FER1L5: variants seen among roughly 807,000 people sequenced by gnomAD.
The protein encoded by FER1L5 is fer-1 like family member 5.
Under a neutral mutation model 279.9 loss-of-function variants are expected in FER1L5, and 187 were observed. The observed-to-expected ratio is 0.67, with a 90% CI of 0.59 to 0.75. The LOEUF is 0.75. Ranked by LOEUF, FER1L5 falls within the 30% of genes least tolerant of loss-of-function variation. The probability of loss-of-function intolerance (pLI) is 0.00; values close to 1 mark genes in which losing one functional copy is unlikely to be tolerated. For synonymous variants in FER1L5, 921 were observed against 989.7 expected (o/e 0.93, Z 1.30); for missense variants, 2,091 against 2,594.4 (o/e 0.81, Z 4.21).
At chr2:96,649,019 C>G (rs1005754482) in intron 4 of FER1L5, among the ~76,000 whole-genome samples, 1 of 138,952 alleles carries the variant, frequency 7.2e-6, no homozygotes. Context: ...GGAGGGTGTA[C>G]TGCACTTTTG....
At chr2:96,645,779 C>G (rs1336332949) in intron 1 of FER1L5, among the ~76,000 whole-genome samples, 1 of 148,644 alleles carries the variant, frequency 6.7e-6, no homozygotes, top group Non-Finnish European at 1.5e-5. Flanking sequence ...TTGTGTCACA[C>G]ACACTCACAC....
intron 17 of FER1L5, among the ~76,000 whole-genome samples, chr2:96,669,893 C>T (rs888620428): frequency 6.6e-6 from 1 of 152,086 alleles, no homozygotes; most frequent in Non-Finnish European, 1.5e-5. Flanking sequence ...GGTGGGAGCA[C>T]GGTATTCCAT....
intron 1 of FER1L5, among the ~76,000 whole-genome samples, chr2:96,643,827 T>TAC (rs2074993124): frequency 6.6e-6 from 1 of 150,876 alleles, no homozygotes; most frequent in Non-Finnish European, 1.5e-5. Flanking sequence ...AGATGTTAGG[T>TAC]ATATTTAGAT....
chr2:96,704,410 T>C (rs1157410403), intron 52 of FER1L5, 48 bp downstream of exon 52: 1 of 1,612,998 alleles, frequency 6.2e-7, no homozygotes, highest in African/African-American at 1.3e-5. Context: ...TCGGGATGAC[T>C]CTGGGGACAG....
At chr2:96,669,578 G>A (rs1205027625) in intron 17 of FER1L5, among the ~76,000 whole-genome samples, 1 of 152,138 alleles carries the variant, frequency 6.6e-6, no homozygotes, top group Non-Finnish European at 1.5e-5. Context: ...AGAGGCCCTG[G>A]GAAGGAACGA....
intron 9 of FER1L5, among the ~76,000 whole-genome samples, chr2:96,659,088 C>T (rs2075716328): frequency 6.6e-6 from 1 of 151,890 alleles, no homozygotes; most frequent in Non-Finnish European, 1.5e-5. Flanking sequence ...CCCACCACCA[C>T]ACCCGGCTAA....
At chr2:96,686,855 CA>C (rs58724485) in intron 23 of FER1L5, among the ~76,000 whole-genome samples, 6,352 of 41,290 alleles carry the variant, frequency 0.15, 43 homozygotes, top group East Asian at 0.23. Context: ...GACTCCGTCT[CA>C]AAAAAAAAAA....
intron 19 of FER1L5, among the ~76,000 whole-genome samples, chr2:96,679,391 T>C (rs539431874): frequency 1.3e-4 from 20 of 152,260 alleles, no homozygotes; most frequent in African/African-American, 4.6e-4. Flanking sequence ...GCCCAGCTAA[T>C]TTTTCTATTT....
chr2:96,684,993 G>A (rs2076867686), intron 20 of FER1L5, among the ~76,000 whole-genome samples: 1 of 152,106 alleles, frequency 6.6e-6, no homozygotes, highest in South Asian at 2.1e-4. Context: ...ACTGTCTCAA[G>A]TGCCTGTTGG....
chr2:96,647,559 A>G (rs545510596), intron 3 of FER1L5, among the ~76,000 whole-genome samples: 15 of 152,126 alleles, frequency 9.9e-5, no homozygotes, highest in South Asian at 8.3e-4. Context: ...CCCTGGTCCA[A>G]TCAACTGTTA....
At chr2:96,697,811 G>A in intron 39 of FER1L5, 50 bp downstream of exon 39, 1 of 1,593,654 alleles carries the variant, frequency 6.3e-7, no homozygotes, top group Non-Finnish European at 8.6e-7. Flanking sequence ...CACTGGAGGA[G>A]GCCAGCAGAG....
chr2:96,702,062 C>T lies in FER1L5; in HGVS notation c.5159+19C>T. ...CTAAACGGTGAGTGACAGCCCACTT[C>T]CCAACTGCTGCATTTCACAGTTCAG... On this transcript the variant is annotated intron_variant, in intron 46 of 52. Transcript: ENST00000624922. The surrounding 1 kb of genome is among the most constrained non-coding windows in gnomAD (Gnocchi z 4.0). 6.2e-7 allele frequency: 1 copy of T among 1,613,306 alleles called. No individual in the cohort carries two copies. Among genetic ancestry groups the T allele is most frequent in the Non-Finnish European group, 8.5e-7 (1 of 1,179,324 alleles).
At chr2:96,659,297 CCTTCCTTCCTT>C (rs1558852582) in intron 9 of FER1L5, among the ~76,000 whole-genome samples, 3 of 27,698 alleles carry the variant, frequency 1.1e-4, no homozygotes, top group African/African-American at 3.1e-4. Context: ...AGCTTTCCTT[CCTTCCTTCCTT>C]CCTTCCTTCC....
Position 96,689,036 on chromosome 2 carries a change from G to C in FER1L5, c.2362-177G>C. 1 of 669,914 alleles carries C rather than the reference G, an allele frequency of 1.5e-6. No individual in the cohort carries two copies. Among genetic ancestry groups the C allele is most frequent in the Admixed American group, 3.3e-5 (1 of 30,556 alleles). 41.5% of individuals were successfully genotyped at this position (669,914 alleles called of 1,614,324 possible). ...TGCCAGCTGAATGATCCAGGGCAGGGTTGACCTCTGGGCCTCAGTGCCCTC... is the reference window on the plus strand; with the variant it reads ...TGCCAGCTGAATGATCCAGGGCAGGCTTGACCTCTGGGCCTCAGTGCCCTC... On this transcript the variant is annotated intron_variant, in intron 24 of 52. Coordinates refer to ENST00000624922, the MANE Select transcript of FER1L5 (RefSeq NM_001293083.2). The surrounding 1 kb of genome is among the most constrained non-coding windows in gnomAD (Gnocchi z 4.6).
intron 37 of FER1L5, 85 bp downstream of exon 37, chr2:96,696,162 G>C: frequency 6.4e-7 from 1 of 1,565,802 alleles, no homozygotes; most frequent in Non-Finnish European, 8.7e-7. Flanking sequence ...CCATTAAACA[G>C]TCTGGATACC....
intron 37 of FER1L5, among the ~76,000 whole-genome samples, chr2:96,696,359 C>G (rs1049359766): frequency 5.3e-5 from 8 of 151,944 alleles, no homozygotes; most frequent in Non-Finnish European, 1.2e-4. Flanking sequence ...GTGGCACAAT[C>G]TTGGCTCACT....
intron 5 of FER1L5, among the ~76,000 whole-genome samples, chr2:96,649,887 T>C (rs1252421744): frequency 1.3e-5 from 2 of 152,198 alleles, no homozygotes; most frequent in African/African-American, 4.8e-5. Context: ...TTGTCATCTC[T>C]AGACATAAGA....
At chr2:96,643,004 C>T in intron 1 of FER1L5, 83 bp downstream of exon 1, 11 of 1,200,012 alleles carry the variant, frequency 9.2e-6, no homozygotes, top group Non-Finnish European at 1.3e-5. Flanking sequence ...TGTATGGCAC[C>T]CCACTACATA....
chr2:96,652,273 G>A, intron 7 of FER1L5: 1 of 509,448 alleles, frequency 2.0e-6, no homozygotes, highest in Non-Finnish European at 3.5e-6. Flanking sequence ...GCAGATCCTG[G>A]TTTACAGAGG....
Sources: gnomAD v4.1 joint callset for allele counts (sites outside exome capture counted in the v4.1 genomes callset) on GRCh38, gnomAD v4.1.1 for gene constraint, Gnocchi (gnomAD v3.1) non-coding constraint, MANE v1.5 for transcripts, NCBI Gene and HGNC (gene_info 2026-07-23, HGNC 2026-07-21) for gene names.